Variants in MAPK10 observed in about 807,000 individuals in gnomAD.
MAPK10 encodes mitogen-activated protein kinase 10.
Under a neutral mutation model 59.3 loss-of-function variants are expected in MAPK10, and 25 were observed. That is an observed-to-expected ratio of 0.42 (90% confidence interval 0.31 to 0.59). The LOEUF is 0.59. Among genes scored for constraint, MAPK10 ranks in the 20% least tolerant of loss-of-function variants. MAPK10 has a pLI of 0.15. For missense variants in MAPK10, 351 were observed against 568.9 expected (o/e 0.62, Z 3.90); for synonymous variants, 190 against 200.5 (o/e 0.95, Z 0.44).
chr4:86,477,796 A>G (rs1344200879), intron 1 of MAPK10, among the ~76,000 whole-genome samples: 1 of 151,920 alleles, frequency 6.6e-6, no homozygotes, highest in Non-Finnish European at 1.5e-5. Flanking sequence ...CCTATCCTCA[A>G]TACCTCCCTC....
intron 2 of MAPK10, among the ~76,000 whole-genome samples, chr4:86,303,805 C>G (rs1454833826): frequency 6.6e-6 from 1 of 152,198 alleles, no homozygotes; most frequent in Non-Finnish European, 1.5e-5. Flanking sequence ...GGACAAAATT[C>G]ATTTGCATTA....
chr4:86,584,535 C>T (rs1762533030), intron 1 of MAPK10, among the ~76,000 whole-genome samples: 1 of 152,148 alleles, frequency 6.6e-6, no homozygotes, highest in Non-Finnish European at 1.5e-5. Context: ...CCTCCACCTT[C>T]CAGGCTCAAG....
chr4:86,346,784 C>G (rs13129883), intron 2 of MAPK10, among the ~76,000 whole-genome samples: 1 of 150,210 alleles, frequency 6.7e-6, no homozygotes, highest in Non-Finnish European at 1.5e-5. Context: ...AGTTTAAACA[C>G]AGCTGTATAG....
intron 7 of MAPK10, among the ~76,000 whole-genome samples, 170 bp downstream of exon 7, chr4:86,101,724 A>G (rs528486341): frequency 1.3e-5 from 2 of 152,328 alleles, no homozygotes; most frequent in South Asian, 2.1e-4. Flanking sequence ...CTCAACTACA[A>G]TATAACTAGA....
At chr4:86,039,884 A>G (rs1425961248) in intron 11 of MAPK10, among the ~76,000 whole-genome samples, 2 of 152,024 alleles carry the variant, frequency 1.3e-5, no homozygotes, top group African/African-American at 4.8e-5. Context: ...AACCCTATAG[A>G]CCCACCCACC....
rs746441407 is a variant in MAPK10, at chr4:86,088,296, C to CT, written c.802+10227dup. ...CTGGGGGCTCAAGCTATCCTCCCAGCTAGTTTCTTTGTTGCTGAGACTACA... is the reference window on the plus strand; with the variant it reads ...CTGGGGGCTCAAGCTATCCTCCCAGCTTAGTTTCTTTGTTGCTGAGACTACA... On this transcript the variant is annotated intron_variant, in intron 9 of 13. Transcript: ENST00000641462. 3.3e-5 allele frequency among the ~76,000 whole-genome samples: 5 copies of CT among 152,256 alleles called. No homozygotes were observed. In the East Asian group the frequency reaches 5.8e-4, roughly 18 times the overall value.
At chr4:86,096,462 C>T (rs368983898) in intron 9 of MAPK10, among the ~76,000 whole-genome samples, 4 of 151,596 alleles carry the variant, frequency 2.6e-5, no homozygotes, top group Non-Finnish European at 5.9e-5. Context: ...AAAAGCAATC[C>T]GCATAAATGC....
At chr4:86,206,912 A>G (rs1005593346) in intron 2 of MAPK10, among the ~76,000 whole-genome samples, 1 of 152,056 alleles carries the variant, frequency 6.6e-6, no homozygotes, top group African/African-American at 2.4e-5. Context: ...TTTCTTGTAA[A>G]TTTGTTGGAG....
intron 2 of MAPK10, among the ~76,000 whole-genome samples, chr4:86,231,362 T>C (rs28515691): frequency 1.3e-3 from 205 of 151,962 alleles, no homozygotes; most frequent in Non-Finnish European, 2.2e-3. Context: ...TATATAGAAG[T>C]ACAATTGTAG....
Position 86,448,077 on chromosome 4 carries a change from T to C in MAPK10, c.-122+4953A>G, listed in dbSNP as rs550945524. On this transcript the variant is annotated intron_variant, in intron 1 of 13. Transcript: ENST00000361569. ...CAGTTTTTGTGGGAGTTAGATTATG[T>C]TAATATGTAAAGAGCCTAGTAAATA... Among the ~76,000 whole-genome samples, 20 of 152,312 alleles carry C rather than the reference T, an allele frequency of 1.3e-4. No homozygotes were observed. In the South Asian group the frequency reaches 3.7e-3, roughly 28 times the overall value.
At chr4:86,222,000 G>T (rs764011660) in intron 2 of MAPK10, among the ~76,000 whole-genome samples, 2 of 151,998 alleles carry the variant, frequency 1.3e-5, no homozygotes, top group Non-Finnish European at 2.9e-5. Flanking sequence ...TTGAGATCTG[G>T]TTCTTTCAAA....
chr4:86,375,969 G>A (rs563889365), intron 1 of MAPK10, among the ~76,000 whole-genome samples: 8 of 152,178 alleles, frequency 5.3e-5, no homozygotes, highest in Non-Finnish European at 1.2e-4. Flanking sequence ...TCTACTAGGT[G>A]CAGGATTGTG....
At chr4:86,336,586 T>C (rs1721511983) in intron 2 of MAPK10, 1 of 152,208 alleles carries the variant, frequency 6.6e-6, no homozygotes, top group Non-Finnish European at 1.5e-5. Context: ...CTTTGCTCAA[T>C]GACATGCCAG....
intron 1 of MAPK10, among the ~76,000 whole-genome samples, chr4:86,460,840 T>A (rs992512476): frequency 3.9e-5 from 6 of 152,222 alleles, no homozygotes; most frequent in African/African-American, 1.2e-4. Flanking sequence ...AGTTAATCTA[T>A]AATCTATAGA....
chr4:86,098,569 T>C lies in MAPK10; in HGVS notation c.757A>G (p.Met253Val). The C allele has an allele frequency of 2.5e-6, 4 of 1,613,272 alleles. No homozygotes were observed. In the East Asian group the frequency reaches 6.7e-5, roughly 27 times the overall value. The change falls in exon 9 of 14, where the codon ATG becomes GTG. Residue 253 changes from methionine to valine, a missense_variant. Met to Val is a conservative substitution (Grantham distance 21, BLOSUM62 1). Transcript: ENST00000641462. Reference sequence around the variant, plus strand: ...ATTTTGTGGCGAACCATTTCTCCCATAATGCATCCCACAGACCATATATCC... The same window carrying C: ...ATTTTGTGGCGAACCATTTCTCCCACAATGCATCCCACAGACCATATATCC... ...NVDIWSVGCI[M>V]GEMVRHKILF... is the part of the protein sequence containing the mutation.
chr4:86,092,541 A>C (rs1171537325), intron 9 of MAPK10, among the ~76,000 whole-genome samples: 3 of 152,038 alleles, frequency 2.0e-5, no homozygotes, highest in Admixed American at 6.6e-5. Context: ...AGGTAGTAGT[A>C]GTAAGCCTTC....
intron 4 of MAPK10, among the ~76,000 whole-genome samples, chr4:86,121,613 G>A (rs2059261642): frequency 6.6e-6 from 1 of 151,988 alleles, no homozygotes; most frequent in African/African-American, 2.4e-5. Context: ...GACAAAAATT[G>A]TATATATTTG....
intron 2 of MAPK10, among the ~76,000 whole-genome samples, chr4:86,230,727 T>C (rs1332323288): frequency 6.6e-6 from 1 of 152,248 alleles, no homozygotes; most frequent in Non-Finnish European, 1.5e-5. Flanking sequence ...TTTATTTCTA[T>C]GCAATTTAAG....
chr4:86,431,111 G>GGAAGAAAAGAT lies in MAPK10; in HGVS notation c.-122+21918_-122+21919insATCTTTTCTTC, dbSNP rs1747987221. 4.6e-5 allele frequency among the ~76,000 whole-genome samples: 7 copies of GGAAGAAAAGAT among 151,428 alleles called. No homozygotes were observed. In the South Asian group the frequency reaches 1.5e-3, roughly 32 times the overall value. ...AAGAGAGGAAAGGAGGAAGAAAAGA[G>GGAAGAAAAGAT]AAAGAAAAGAAAAAAGAAAAGGAAG... On this transcript the variant is annotated intron_variant, in intron 1 of 13. Transcript: ENST00000361569.
Sources: allele counts gnomAD v4.1 joint callset (sites outside exome capture counted in the v4.1 genomes callset), GRCh38; gene constraint gnomAD v4.1.1; transcripts MANE v1.5; gene names NCBI Gene and HGNC (gene_info 2026-07-23, HGNC 2026-07-21).